The following FAM178B variants were observed in gnomAD, a reference collection of about 807,000 sequenced individuals.
FAM178B encodes the protein protein FAM178B.
FAM178B carries 82 observed loss-of-function variants against 91.7 expected under a neutral mutation model. The ratio of observed to expected loss-of-function variants is 0.89; its 90% CI spans 0.75 to 1.07. The LOEUF (loss-of-function observed/expected upper bound fraction) is 1.07, where lower values mean the gene tolerates loss of function less well. FAM178B is among the 50% of genes least tolerant of loss of function. FAM178B has a pLI of 0.00. For missense variants in FAM178B, 769 were observed against 846.7 expected (o/e 0.91, Z 1.14); for synonymous variants, 368 against 359.4 (o/e 1.02, Z -0.27).
At chr2:96,911,672 C>G (rs551244975) in intron 12 of FAM178B, among the ~76,000 whole-genome samples, 32 of 152,320 alleles carry the variant, frequency 2.1e-4, no homozygotes, top group African/African-American at 7.5e-4. Context: ...CAGTGGGATG[C>G]TCTGGCGGAA....
rs775961650 is a variant in FAM178B, at chr2:96,877,989, G to A, written c.1908C>T (p.Ile636=). 6.2e-7 allele frequency: 1 copy of A among 1,613,344 alleles called. No individual in the cohort carries two copies. Among genetic ancestry groups the A allele is most frequent in the South Asian group, 1.1e-5 (1 of 91,080 alleles). ...GGTGCATGGCCTGGGGGCTCTCCCG[G>A]ATCTGCGTGCTGATGTGGCGGTCCA... is the stretch of plus-strand genomic sequence containing the variant. ...MQLDRHISTQ[I]RESPQAMHRT... is the part of the protein sequence containing the mutation. The change falls in exon 16 of 17, where the codon ATC becomes ATT. Residue 636 remains isoleucine, a synonymous_variant. Transcript: ENST00000490605.
chr2:96,886,677 G>C (rs969622944), intron 14 of FAM178B, among the ~76,000 whole-genome samples: 1 of 152,236 alleles, frequency 6.6e-6, no homozygotes, highest in Non-Finnish European at 1.5e-5. Context: ...GGGAAGAAGG[G>C]ACAGAAAACG....
chr2:96,980,496 C>T (rs2082347672), intron 1 of FAM178B, among the ~76,000 whole-genome samples: 1 of 152,196 alleles, frequency 6.6e-6, no homozygotes, highest in Non-Finnish European at 1.5e-5. Context: ...CTCTTGGCCT[C>T]AAGCAATCCT....
intron 8 of FAM178B, among the ~76,000 whole-genome samples, chr2:96,940,242 G>C (rs1258621272): frequency 2.0e-5 from 3 of 152,194 alleles, no homozygotes; most frequent in Non-Finnish European, 2.9e-5. Context: ...CATGAGAACG[G>C]TATGGGGTCC....
intron 8 of FAM178B, among the ~76,000 whole-genome samples, chr2:96,936,480 G>A (rs540327384): frequency 4.7e-5 from 7 of 150,292 alleles, no homozygotes; most frequent in South Asian, 2.1e-4. Context: ...GATTACAGGC[G>A]TGAGCCACCA....
At chr2:96,913,213 G>T (rs1470102269) in intron 12 of FAM178B, among the ~76,000 whole-genome samples, 6 of 152,210 alleles carry the variant, frequency 3.9e-5, no homozygotes, top group Non-Finnish European at 8.8e-5. Context: ...TCTAGTGGGG[G>T]TGGCTGTTCG....
At chr2:96,902,004 G>A (rs2080942354) in intron 13 of FAM178B, among the ~76,000 whole-genome samples, 1 of 151,962 alleles carries the variant, frequency 6.6e-6, no homozygotes, top group Non-Finnish European at 1.5e-5. Context: ...TCACCACATT[G>A]GCCAGGCTGG....
At chr2:96,962,487 TA>T (rs1348997240) in intron 5 of FAM178B, among the ~76,000 whole-genome samples, 2 of 151,324 alleles carry the variant, frequency 1.3e-5, no homozygotes, top group Non-Finnish European at 2.9e-5. Context: ...AGAACTAGGC[TA>T]ATCTACAAAG....
Position 96,951,466 on chromosome 2 carries a change from C to T in FAM178B, c.906G>A (p.Gln302=), listed in dbSNP as rs2081926590. Residue 302 remains glutamine (Q), a synonymous_variant, in exon 7 of 17, where the codon CAG becomes CAA. Transcript: ENST00000490605. The part of the protein sequence containing the change: ...GLFLSSPPAQ[Q]LSFLRSGLLN... ...GGAGGCCACTGCGCAGGAAGGAGAG[C>T]TGTTGGGCTGGCGGGGAGCTGGGAG... is the stretch of plus-strand genomic sequence containing the variant. 6.4e-7 allele frequency: 1 copy of T among 1,551,472 alleles called. No homozygotes were observed. The highest frequency in any genetic ancestry group is 1.4e-5 in the African/African-American group (1 of 73,096).
intron 6 of FAM178B, among the ~76,000 whole-genome samples, chr2:96,952,902 TA>T (rs373568480): frequency 4.6e-5 from 7 of 152,200 alleles, no homozygotes; most frequent in African/African-American, 1.7e-4. Flanking sequence ...CCACCCTAGA[TA>T]AAAAGTTTTT....
At chr2:96,915,112 ATTTT>A (rs570515612) in intron 12 of FAM178B, among the ~76,000 whole-genome samples, 1 of 143,052 alleles carries the variant, frequency 7.0e-6, no homozygotes, top group Non-Finnish European at 1.5e-5. Flanking sequence ...CTATAACCAA[ATTTT>A]TTTTTTTTTT....
chr2:96,955,479 C>T (rs1360832348), intron 6 of FAM178B, among the ~76,000 whole-genome samples: 1 of 145,458 alleles, frequency 6.9e-6, no homozygotes, highest in Non-Finnish European at 1.5e-5. Flanking sequence ...CCACTGCACT[C>T]CAGCCTGGGA....
chr2:96,954,557 G>A (rs1350416879), intron 6 of FAM178B, among the ~76,000 whole-genome samples: 1 of 149,326 alleles, frequency 6.7e-6, no homozygotes, highest in African/African-American at 2.6e-5. Context: ...AGCAGTCCCA[G>A]AGGGCAAGGT....
rs192022019 is a variant in FAM178B, at chr2:96,966,534, T to C, written c.734+986A>G. Among the ~76,000 whole-genome samples the C allele has an allele frequency of 3.4e-4, 51 of 152,224 alleles. 2 individuals carry two copies. The East Asian group carries it at 6.8e-3, about 20-fold the overall frequency. On this transcript the variant is annotated intron_variant, in intron 5 of 16. Coordinates refer to ENST00000490605, the MANE Select transcript of FAM178B (RefSeq NM_001122646.3). ...GGCAGAGATTGTCTGGTTTTGTTCC[T>C]GCCACATCCCGAAGCTACAGCAGAG...
Position 96,921,375 on chromosome 2 carries a change from C to T in FAM178B, c.1464+103G>A, listed in dbSNP as rs534147946. On this transcript the variant is annotated intron_variant, in intron 11 of 16. Transcript: ENST00000490605. ...GCAGTCACGGAGATCAGGGACATTC[C>T]GATGACCTCCAGGCAGTGCCATCCC... 105 of 1,505,076 alleles carry T rather than the reference C, an allele frequency of 7.0e-5. 1 individual carries two copies. Among genetic ancestry groups the T allele is most frequent in the Middle Eastern group, 3.6e-4 (2 of 5,572 alleles). 93.2% of individuals were successfully genotyped at this position (1,505,076 alleles called of 1,614,324 possible).
chr2:96,973,032 G>A (rs373882669), intron 1 of FAM178B, among the ~76,000 whole-genome samples: 11 of 151,826 alleles, frequency 7.2e-5, no homozygotes, highest in South Asian at 2.1e-4. Flanking sequence ...GGTGAAACCC[G>A]TCTCTAGTAA....
intron 13 of FAM178B, among the ~76,000 whole-genome samples, chr2:96,901,612 T>C (rs894157163): frequency 1.3e-5 from 2 of 152,170 alleles, no homozygotes; most frequent in African/African-American, 4.8e-5. Context: ...TATGCTTTAC[T>C]ATAAAAAATA....
rs2082226983 is a variant in FAM178B, at chr2:96,972,040, C to A, written c.425G>T (p.Gly142Val). 6.4e-7 allele frequency: 1 copy of A among 1,550,858 alleles called. No individual in the cohort carries two copies. Among genetic ancestry groups the A allele is most frequent in the Non-Finnish European group, 8.7e-7 (1 of 1,146,982 alleles). ...CAGCTCACCAGCCAGTCTCCTCAGGCCCTGGGGGCCCACCACACCCACCCA... is the reference window on the plus strand; with the variant it reads ...CAGCTCACCAGCCAGTCTCCTCAGGACCTGGGGGCCCACCACACCCACCCA... ...QRWVGVVGPQGLRRLAGELPE... is the reference protein window; with the variant it reads ...QRWVGVVGPQVLRRLAGELPE... Residue 142 changes from glycine to valine, a missense_variant, in exon 3 of 17, where the codon GGC (glycine) becomes GTC (valine). Gly to Val is a moderately radical substitution (Grantham distance 109, BLOSUM62 -3). Transcript: ENST00000490605.
chr2:96,914,869 G>A (rs1400817064), intron 12 of FAM178B, among the ~76,000 whole-genome samples: 6 of 151,928 alleles, frequency 3.9e-5, no homozygotes, highest in Non-Finnish European at 2.9e-5. Context: ...CTGCCTCGGC[G>A]AAAGAGATTC....
Sources: allele counts gnomAD v4.1 joint callset (sites outside exome capture counted in the v4.1 genomes callset), GRCh38; gene constraint gnomAD v4.1.1; transcripts MANE v1.5; gene names NCBI Gene and HGNC (gene_info 2026-07-23, HGNC 2026-07-21).